The following AK7 variants were observed in gnomAD, a reference collection of about 807,000 sequenced individuals.
AK7 encodes adenylate kinase 7.
Under a neutral mutation model 96.6 loss-of-function variants are expected in AK7, and 78 were observed. The observed-to-expected ratio is 0.81, with a 90% CI of 0.67 to 0.97. AK7 has a LOEUF of 0.97. AK7 is among the 50% of genes least tolerant of loss of function. AK7 has a pLI of 0.00. For synonymous variants in AK7, 302 were observed against 317.2 expected (o/e 0.95, Z 0.51); for missense variants, 855 against 887.9 (o/e 0.96, Z 0.47).
intron 5 of AK7, among the ~76,000 whole-genome samples, chr14:96,426,058 G>C (rs997326947): frequency 6.6e-6 from 1 of 151,992 alleles, no homozygotes; most frequent in African/African-American, 2.4e-5. Flanking sequence ...TTTGTTATTT[G>C]TTTTCTAGTT....
chr14:96,472,726 T>A lies in AK7; in HGVS notation c.1526T>A (p.Met509Lys). The change falls in exon 14 of 18, where the codon ATG (methionine) becomes AAG (lysine). Residue 509 changes from methionine to lysine, a missense_variant. By Grantham distance (95) the Met-to-Lys change is moderately conservative. Coordinates refer to ENST00000267584, the MANE Select transcript of AK7 (RefSeq NM_152327.5). ...GAGGAAGATGATGTCAGAGGCAGAA[T>A]GTTTCCCTTTGATAAATTAATTATA... ...EEEEDDVRGR[M>K]FPFDKLIIPE... 1 of 1,612,990 alleles carries A rather than the reference T, an allele frequency of 6.2e-7. No individual in the cohort carries two copies. The highest frequency in any genetic ancestry group is 8.5e-7 in the Non-Finnish European group (1 of 1,179,050).
intron 7 of AK7, among the ~76,000 whole-genome samples, chr14:96,446,076 T>C (rs1402601071): frequency 6.6e-6 from 1 of 152,166 alleles, no homozygotes; most frequent in African/African-American, 2.4e-5. Flanking sequence ...CCACAGCTTG[T>C]CTAAATCTGT....
rs11449244 is a variant in AK7 at position 96,419,784 on chromosome 14, C to CTTTTTTTTTTTTTT, written c.499-1034_499-1033insTTTTTTTTTTTTTT. On this transcript the variant is annotated intron_variant, in intron 4 of 17. Coordinates refer to ENST00000267584, the MANE Select transcript of AK7 (RefSeq NM_152327.5). Reference sequence around the variant, plus strand: ...TCTCCTAAAGCATTTTTTTTTCTTTCTTTTCTTTTTTTTTTTTTTTTGAGA... The same window carrying CTTTTTTTTTTTTTT: ...TCTCCTAAAGCATTTTTTTTTCTTTCTTTTTTTTTTTTTTTTTTCTTTTTTTTTTTTTTTTGAGA... 1.9e-4 allele frequency among the ~76,000 whole-genome samples: 19 copies of CTTTTTTTTTTTTTT among 101,682 alleles called. 2 individuals are homozygous for CTTTTTTTTTTTTTT. The highest frequency in any genetic ancestry group is 2.9e-4 in the East Asian group (1 of 3,406). 66.7% of individuals were successfully genotyped at this position (101,682 alleles called of 152,430 possible). A position where few individuals can be genotyped will look rare whatever the true frequency, so the allele number is the denominator to read the frequency against.
chr14:96,446,048 C>T (rs749636904), intron 7 of AK7, among the ~76,000 whole-genome samples: 18 of 152,206 alleles, frequency 1.2e-4, no homozygotes, highest in South Asian at 4.1e-4. Context: ...ACTGTTGCTG[C>T]GTGACTTCCT....
intron 16 of AK7, among the ~76,000 whole-genome samples, chr14:96,486,169 AG>A (rs1461423479): frequency 6.6e-6 from 1 of 152,172 alleles, no homozygotes; most frequent in Non-Finnish European, 1.5e-5. Flanking sequence ...GTCCAGGGGT[AG>A]GGCTGGCTTC....
chr14:96,446,378 G>T, intron 7 of AK7, 139 bp from the exon 8 acceptor site: 1 of 682,778 alleles, frequency 1.5e-6, no homozygotes, highest in Non-Finnish European at 2.6e-6. Context: ...TCCCAACCCT[G>T]ACCGTATTGA....
At chr14:96,466,976 A>G (rs1894601653) in intron 12 of AK7, among the ~76,000 whole-genome samples, 1 of 151,772 alleles carries the variant, frequency 6.6e-6, no homozygotes, top group Non-Finnish European at 1.5e-5. Context: ...ACAATAAAAA[A>G]TGTAACTGAA....
intron 7 of AK7, among the ~76,000 whole-genome samples, chr14:96,443,614 C>A (rs917336841): frequency 2.0e-5 from 3 of 152,068 alleles, no homozygotes; most frequent in African/African-American, 7.2e-5. Context: ...AGACCCTGAA[C>A]CTAATTTTTA....
rs1368196459 is a variant in AK7, at chr14:96,399,665, T to C, written c.294+1402T>C. 6.6e-6 allele frequency among the ~76,000 whole-genome samples: 1 copy of C among 152,206 alleles called. No individual in the cohort carries two copies. The highest frequency in any genetic ancestry group is 1.5e-5 in the Non-Finnish European group (1 of 68,038). ...GCAGTCCCCTGACTCCCGAGGGGCT[T>C]AGCTCACCTGGCTTCACAGCAGCAG... is the stretch of plus-strand genomic sequence containing the variant. On this transcript the variant is annotated intron_variant, in intron 2 of 17. Transcript: ENST00000267584. The surrounding 1 kb of genome is among the most constrained non-coding windows in gnomAD (Gnocchi z 4.1).
intron 14 of AK7, among the ~76,000 whole-genome samples, chr14:96,476,431 G>A (rs1383161784): frequency 2.0e-5 from 3 of 151,840 alleles, no homozygotes; most frequent in Non-Finnish European, 4.4e-5. Context: ...CCTGAACCCG[G>A]GAGGCAGAGG....
At chr14:96,469,007 G>A (rs967033778) in intron 12 of AK7, among the ~76,000 whole-genome samples, 3 of 152,082 alleles carry the variant, frequency 2.0e-5, no homozygotes, top group Non-Finnish European at 4.4e-5. Context: ...CTTGGACTGG[G>A]TCCTTTGTGT....
intron 8 of AK7, among the ~76,000 whole-genome samples, chr14:96,448,612 A>C (rs114153702): frequency 0.017 from 2,425 of 144,846 alleles, 77 homozygotes; most frequent in African/African-American, 0.06. Context: ...CCTGGGCAAT[A>C]GAACAAGACC....
intron 10 of AK7, among the ~76,000 whole-genome samples, chr14:96,452,739 A>C (rs1394243682): frequency 6.6e-6 from 1 of 151,100 alleles, no homozygotes; most frequent in Non-Finnish European, 1.5e-5. Context: ...GCTCACTGCA[A>C]CCTCTGCCTC....
chr14:96,482,513 T>C (rs2077870038), intron 15 of AK7, among the ~76,000 whole-genome samples: 1 of 152,224 alleles, frequency 6.6e-6, no homozygotes, highest in African/African-American at 2.4e-5. Context: ...TTTCAGATAT[T>C]CTGGAGTCTG....
intron 5 of AK7, among the ~76,000 whole-genome samples, chr14:96,434,827 T>C (rs1394720061): frequency 6.6e-6 from 1 of 152,042 alleles, no homozygotes; most frequent in Non-Finnish European, 1.5e-5. Flanking sequence ...TTCCCAGTCT[T>C]CCCTCTTCTT....
chr14:96,396,252 G>C (rs1385169474), intron 1 of AK7, among the ~76,000 whole-genome samples: 1 of 152,004 alleles, frequency 6.6e-6, no homozygotes, highest in African/African-American at 2.4e-5. Context: ...TTTTCTAGTT[G>C]GTCCTTAATT....
intron 12 of AK7, 92 bp from the exon 13 acceptor site, chr14:96,471,386 C>A (rs923163816): frequency 9.4e-5 from 42 of 445,196 alleles, no homozygotes; most frequent in South Asian, 1.2e-4. Flanking sequence ...GTACCTTTGA[C>A]TACACAACAA....
At chr14:96,464,885 G>A (rs1894471551) in intron 12 of AK7, among the ~76,000 whole-genome samples, 1 of 152,142 alleles carries the variant, frequency 6.6e-6, no homozygotes, top group African/African-American at 2.4e-5. Context: ...CACCCAGCAG[G>A]TTTGGCTTTA....
chr14:96,419,491 G>A (rs551180864), intron 4 of AK7, among the ~76,000 whole-genome samples: 1 of 151,946 alleles, frequency 6.6e-6, no homozygotes, highest in South Asian at 2.1e-4. Flanking sequence ...AATGAGCTGG[G>A]CATGGAGGTG....
Sources: allele counts gnomAD v4.1 joint callset (sites outside exome capture counted in the v4.1 genomes callset), GRCh38; gene constraint gnomAD v4.1.1; non-coding constraint Gnocchi (gnomAD v3.1); transcripts MANE v1.5; gene names NCBI Gene and HGNC (gene_info 2026-07-23, HGNC 2026-07-21).